The following NEB variants were observed in gnomAD, a reference collection of about 807,000 sequenced individuals.
The protein encoded by NEB is nebulin, also known as nemaline myopathy type 2.
Under a neutral mutation model 952.2 loss-of-function variants are expected in NEB, and 512 were observed. That is an observed-to-expected ratio of 0.54 (90% CI 0.50 to 0.58). NEB has a LOEUF of 0.58. Among genes scored for constraint, NEB ranks in the 20% least tolerant of loss-of-function variants. NEB has a pLI of 0.00. For synonymous variants in NEB, 2,900 were observed against 3,149.8 expected (o/e 0.92, Z 2.66); for missense variants, 8,428 against 9,231.1 (o/e 0.91, Z 3.56).
intron 64 of NEB, among the ~76,000 whole-genome samples, chr2:151,634,435 A>G (rs530011001): frequency 1.2e-4 from 19 of 152,132 alleles, no homozygotes; most frequent in African/African-American, 3.9e-4. Flanking sequence ...TGAGGTCAGG[A>G]GATCAAGACC....
At chr2:151,651,917 A>G (rs2099034501) in intron 52 of NEB, among the ~76,000 whole-genome samples, 1 of 152,202 alleles carries the variant, frequency 6.6e-6, no homozygotes, top group Non-Finnish European at 1.5e-5. Flanking sequence ...GACCTTCCGT[A>G]TCAAGAAAAC....
chr2:151,628,322 G>A (rs143690964), intron 68 of NEB, among the ~76,000 whole-genome samples: 1 of 152,268 alleles, frequency 6.6e-6, no homozygotes, highest in East Asian at 1.9e-4. Context: ...CAGCTCTGCT[G>A]GGGCACTTGA....
At chr2:151,490,128 C>T in intron 180 of NEB, 51 bp from the exon 181 acceptor site, 1 of 1,406,022 alleles carries the variant, frequency 7.1e-7, no homozygotes, top group Non-Finnish European at 9.9e-7. Flanking sequence ...GCTAGGTATC[C>T]TTTAATCTGT....
intron 156 of NEB, among the ~76,000 whole-genome samples, chr2:151,517,397 G>A (rs1025412646): frequency 1.1e-4 from 16 of 152,322 alleles, no homozygotes; most frequent in African/African-American, 1.2e-4. Context: ...ACACGAGGAC[G>A]TTTCTAATAG....
At chr2:151,551,912 T>A (rs2095364441) in intron 128 of NEB, 67 bp from the exon 129 acceptor site, 3 of 1,122,410 alleles carry the variant, frequency 2.7e-6, no homozygotes, top group Admixed American at 2.2e-5. Flanking sequence ...TTAAAAAAAA[T>A]AACGGTAGCC....
rs2154190312 is a variant in NEB, at chr2:151,671,037, T to C, written c.4492A>G (p.Lys1498Glu). ...AAAGCACTCACATCACTTAGCTGCT[T>C]TGTGTTATGCTGAGCCAACACCATG... ...MGMVLAQHNTKQLSDLNYKVE... is the reference protein window; with the variant it reads ...MGMVLAQHNTEQLSDLNYKVE... The change falls in exon 38 of 182, where the codon AAG (lysine) becomes GAG (glutamate). Residue 1498 changes from lysine to glutamate, a missense_variant. Physicochemically the swap from Lys to Glu is moderately conservative, Grantham distance 56 (BLOSUM62 1). Transcript: ENST00000397345. 1 of 1,613,818 alleles carries C rather than the reference T, an allele frequency of 6.2e-7. No individual in the cohort carries two copies. Among genetic ancestry groups the C allele is most frequent in the Admixed American group, 1.7e-5 (1 of 60,032 alleles).
In NEB at chr2:151,627,061, T is replaced by A. The variant is rs1408199797; in HGVS notation, c.10288A>T (p.Ser3430Cys). The change falls in exon 70 of 182, where the codon AGT (serine) becomes TGT (cysteine). Residue 3430 changes from serine (S) to cysteine (C), a missense_variant. Coordinates refer to ENST00000397345, the MANE Select transcript of NEB (RefSeq NM_001164508.2). ...ACCTGCTCTAGAGAGTCAGTCACAC[T>A]GGTAAATTTCAGCTTGTCCGGAGGC... is the stretch of plus-strand genomic sequence containing the variant. Reference protein sequence around the residue: ...RQPPDKLKFTSVTDSLEQVLA... With the variant: ...RQPPDKLKFTCVTDSLEQVLA... 1.9e-6 allele frequency: 3 copies of A among 1,613,816 alleles called. No homozygotes were observed. The highest frequency in any genetic ancestry group is 3.3e-5 in the Admixed American group (2 of 60,000).
At chr2:151,651,866 G>A (rs1013993258) in intron 52 of NEB, among the ~76,000 whole-genome samples, 1 of 152,116 alleles carries the variant, frequency 6.6e-6, no homozygotes, top group African/African-American at 2.4e-5. Context: ...AAAAAGCAGT[G>A]CCATAGATTT....
Position 151,565,609 on chromosome 2 carries a change from T to G in NEB, c.18262-4A>C, listed in dbSNP as rs2096326829. ...GGGCATTTTTCTTATATTTGATCTG[T>G]AAAGAAACGGAGACAATTAAGACAG... On this transcript the variant is annotated splice_polypyrimidine_tract_variant and splice_region_variant and intron_variant, in intron 115 of 181. Coordinates refer to ENST00000397345, the MANE Select transcript of NEB (RefSeq NM_001164508.2). The G allele has an allele frequency of 7.6e-6, 12 of 1,581,480 alleles. No individual in the cohort carries two copies. Among genetic ancestry groups the G allele is most frequent in the Admixed American group, 1.7e-5 (1 of 57,236 alleles).
In NEB at chr2:151,639,887, C is replaced by T. The variant is rs753947526; in HGVS notation, c.8859G>A (p.Leu2953=). 5 of 1,613,402 alleles carry T rather than the reference C, an allele frequency of 3.1e-6. No homozygotes were observed. Among genetic ancestry groups the T allele is most frequent in the Middle Eastern group, 1.6e-4 (1 of 6,084 alleles). ...TCATAGTGATGGCATTATTTTTGGC[C>T]AACACTTGTTCCAGAGAGTCAGTCA... ...TSVTDSLEQV[L]AKNNAITMNK... Residue 2953 remains leucine (L), a synonymous_variant, in exon 62 of 182, where the codon TTG becomes TTA. Coordinates refer to ENST00000397345, the MANE Select transcript of NEB (RefSeq NM_001164508.2).
chr2:151,525,237 T>A lies in NEB; in HGVS notation c.22198A>T (p.Lys7400Ter). 6.2e-7 allele frequency: 1 copy of A among 1,613,958 alleles called. No individual in the cohort carries two copies. The highest frequency in any genetic ancestry group is 8.5e-7 in the Non-Finnish European group (1 of 1,179,818). Reference sequence around the variant, plus strand: ...TCCAGCATGATGGAGTAGTTGGATTTTCCTTTCTCCTTGACAAACTTCTTT... The same window carrying A: ...TCCAGCATGATGGAGTAGTTGGATTATCCTTTCTCCTTGACAAACTTCTTT... Reference protein sequence around the residue: ...YKKKFVKEKGKSNYSIMLEPP... With the variant: ...YKKKFVKEKG The change falls in exon 151 of 182, where the codon AAA (lysine) becomes TAA (stop). Residue 7400 changes from lysine to a stop codon, truncating the protein, a stop_gained. Transcript: ENST00000397345. LOFTEE classifies it high-confidence loss of function.
intron 173 of NEB, chr2:151,495,215 G>GT (rs1553540487): frequency 1.3e-5 from 2 of 152,160 alleles, no homozygotes; most frequent in Non-Finnish European, 2.9e-5. Context: ...CTCAACCTCG[G>GT]TATCTCCCCT....
At chr2:151,528,258 T>C (rs1035763450) in intron 146 of NEB, among the ~76,000 whole-genome samples, 17 of 152,226 alleles carry the variant, frequency 1.1e-4, no homozygotes, top group Non-Finnish European at 2.2e-4. Flanking sequence ...TTGAGTGTCC[T>C]TGGGAGGAGC....
chr2:151,549,888 A>G, intron 129 of NEB, 148 bp from the exon 130 acceptor site: 3 of 605,420 alleles, frequency 5.0e-6, no homozygotes, highest in East Asian at 2.8e-5. Flanking sequence ...AGAGAATTAA[A>G]TACATTCTAA....
At chr2:151,487,852 A>T (rs973868678) in intron 181 of NEB, among the ~76,000 whole-genome samples, 4 of 152,164 alleles carry the variant, frequency 2.6e-5, no homozygotes, top group African/African-American at 9.7e-5. Context: ...CCTGGACTCA[A>T]GCAGTCCTCC....
rs2154113397 is a variant in NEB at position 151,642,766 on chromosome 2, T to C, written c.8264A>G (p.Glu2755Gly). The change falls in exon 59 of 182, where the codon GAG becomes GGG. Residue 2755 changes from glutamate to glycine, a missense_variant and splice_region_variant. Around this residue, in one of 11 missense-constraint regions of NEB, gnomAD observed 1,772 missense variants for 1,960.3 expected, o/e 0.90. Coordinates refer to ENST00000397345, the MANE Select transcript of NEB (RefSeq NM_001164508.2). Reference protein sequence around the residue: ...LAKQNKVNYSEKLYKLGLEEA... With the variant: ...LAKQNKVNYSGKLYKLGLEEA... ...ACGCACTATGAATATATTACTTACCTCACTGTAATTTACTTTGTTTTGTTT... is the reference window on the plus strand; with the variant it reads ...ACGCACTATGAATATATTACTTACCCCACTGTAATTTACTTTGTTTTGTTT... The C allele has an allele frequency of 2.5e-6, 4 of 1,607,962 alleles. No individual in the cohort carries two copies. Among genetic ancestry groups the C allele is most frequent in the Non-Finnish European group, 3.4e-6 (4 of 1,175,444 alleles).
intron 155 of NEB, 62 bp downstream of exon 155, chr2:151,518,903 A>G (rs2079985404): frequency 8.8e-7 from 1 of 1,142,500 alleles, no homozygotes; most frequent in African/African-American, 1.5e-5. Context: ...ATCTGGGCTC[A>G]GAAAGAATTT....
chr2:151,704,659 A>C (rs574693122), intron 13 of NEB, among the ~76,000 whole-genome samples: 3 of 152,310 alleles, frequency 2.0e-5, no homozygotes, highest in Admixed American at 6.5e-5. Context: ...TGAGTCGGAA[A>C]GGTAACTCTC....
chr2:151,492,093 G>A lies in NEB; in HGVS notation c.25057+5C>T, dbSNP rs1030050707. On this transcript the variant is annotated splice_donor_5th_base_variant and intron_variant, in intron 178 of 181. Coordinates refer to ENST00000397345, the MANE Select transcript of NEB (RefSeq NM_001164508.2). ...AATCCCCTCCCCCAACCCAGGCTCAGTTACCTGTAATAGTCTCCTGATCTT... is the reference window on the plus strand; with the variant it reads ...AATCCCCTCCCCCAACCCAGGCTCAATTACCTGTAATAGTCTCCTGATCTT... 1.2e-6 allele frequency: 2 copies of A among 1,613,574 alleles called. No homozygotes were observed. The highest frequency in any genetic ancestry group is 2.7e-5 in the African/African-American group (2 of 75,020).
Sources: gnomAD v4.1 joint callset for allele counts (sites outside exome capture counted in the v4.1 genomes callset) on GRCh38, gnomAD v4.1.1 for gene constraint, gnomAD v4.1.1 regional missense constraint, MANE v1.5 for transcripts, NCBI Gene and HGNC (gene_info 2026-07-23, HGNC 2026-07-21) for gene names.